The following ITGAV variants were observed in gnomAD, a reference collection of about 807,000 sequenced individuals.
ITGAV encodes integrin subunit alpha V.
In ITGAV, 76 loss-of-function variants were observed where a neutral mutation model predicts 143.8. That is an observed-to-expected ratio of 0.53 (90% CI 0.44 to 0.64). The LOEUF is 0.64. Ranked by LOEUF, ITGAV falls within the 30% of genes least tolerant of loss-of-function variation. The pLI, the probability that ITGAV is intolerant of heterozygous loss-of-function variation, is 0.00. For synonymous variants in ITGAV, 453 were observed against 446.7 expected (o/e 1.01, Z -0.18); for missense variants, 1,193 against 1,274.7 (o/e 0.94, Z 0.98).
chr2:186,616,035 A>T (rs1687348138), intron 2 of ITGAV, among the ~76,000 whole-genome samples: 1 of 152,104 alleles, frequency 6.6e-6, no homozygotes, highest in Admixed American at 6.5e-5. Context: ...TAGTTGTCCC[A>T]GCATCATTTG....
chr2:186,643,839 ATG>A (rs1389602771), intron 12 of ITGAV, among the ~76,000 whole-genome samples: 1 of 152,254 alleles, frequency 6.6e-6, no homozygotes, highest in African/African-American at 2.4e-5. Context: ...GATGATTAAC[ATG>A]TATAAAATAA....
At chr2:186,605,081 G>A (rs1687022068) in intron 2 of ITGAV, among the ~76,000 whole-genome samples, 1 of 152,174 alleles carries the variant, frequency 6.6e-6, no homozygotes, top group Admixed American at 6.5e-5. Flanking sequence ...CAGGTACCTG[G>A]GGATTGATCG....
chr2:186,646,583 T>C, intron 12 of ITGAV, 103 bp from the exon 13 acceptor site: 1 of 713,018 alleles, frequency 1.4e-6, no homozygotes, highest in Non-Finnish European at 2.3e-6. Context: ...TCTTCATCCT[T>C]GCCCTCTTCC....
intron 3 of ITGAV, 66 bp downstream of exon 3, chr2:186,622,496 T>G (rs943519412): frequency 6.6e-6 from 7 of 1,055,998 alleles, no homozygotes; most frequent in Non-Finnish European, 8.9e-6. Flanking sequence ...CAGAAGGTTT[T>G]ATATTTTCAG....
At chr2:186,592,295 C>G (rs1686634783) in intron 1 of ITGAV, among the ~76,000 whole-genome samples, 2 of 152,074 alleles carry the variant, frequency 1.3e-5, no homozygotes, top group Non-Finnish European at 2.9e-5. Flanking sequence ...AAAAATTAAC[C>G]GGGCATGGTG....
At chr2:186,600,071 G>T in intron 1 of ITGAV, 1 of 448,116 alleles carries the variant, frequency 2.2e-6, no homozygotes, top group East Asian at 3.4e-5. Context: ...AAACTCAGTG[G>T]CTTCAAATGA....
At chr2:186,622,823 T>C (rs530378074) in intron 3 of ITGAV, among the ~76,000 whole-genome samples, 1 of 152,074 alleles carries the variant, frequency 6.6e-6, no homozygotes, top group Admixed American at 6.6e-5. Flanking sequence ...AGTGCAGTGG[T>C]GCGATCTCGG....
At chr2:186,675,271 T>G (rs1341977360) in intron 26 of ITGAV, among the ~76,000 whole-genome samples, 1 of 152,230 alleles carries the variant, frequency 6.6e-6, no homozygotes, top group African/African-American at 2.4e-5. Flanking sequence ...CACCATGTTA[T>G]GGGTTTGCCT....
chr2:186,651,865 A>T (rs1384041237), intron 14 of ITGAV, 117 bp from the exon 15 acceptor site: 1 of 594,460 alleles, frequency 1.7e-6, no homozygotes, highest in Non-Finnish European at 3.0e-6. Flanking sequence ...ACTATTACAA[A>T]CAATGCTTTT....
intron 13 of ITGAV, among the ~76,000 whole-genome samples, chr2:186,648,621 C>T (rs1401765320): frequency 2.0e-5 from 3 of 152,002 alleles, no homozygotes; most frequent in East Asian, 3.9e-4. Flanking sequence ...GGCACCACCA[C>T]GCACAGCTAA....
intron 28 of ITGAV, 124 bp from the exon 29 acceptor site, chr2:186,676,689 A>G: frequency 9.4e-7 from 1 of 1,063,034 alleles, no homozygotes; most frequent in Non-Finnish European, 1.3e-6. Context: ...AAACCACTAA[A>G]TTATCATATG....
At chr2:186,671,632 A>G in intron 26 of ITGAV, among the ~76,000 whole-genome samples, 1 of 152,136 alleles carries the variant, frequency 6.6e-6, no homozygotes, top group Non-Finnish European at 1.5e-5. Context: ...CAAAACTTAC[A>G]CAAAATTAAC....
intron 18 of ITGAV, 48 bp downstream of exon 18, chr2:186,659,223 T>TA (rs746133584): frequency 2.9e-5 from 37 of 1,284,668 alleles, no homozygotes; most frequent in Non-Finnish European, 3.7e-5. Flanking sequence ...TATTTTTTTT[T>TA]ACAATTCATA....
chr2:186,642,535 CTTTTT>C (rs35034170), intron 12 of ITGAV, among the ~76,000 whole-genome samples: 5 of 113,180 alleles, frequency 4.4e-5, no homozygotes, highest in Admixed American at 9.6e-5. Context: ...TCTTTTTTTT[CTTTTT>C]TTTTTTTTTT....
At chr2:186,657,797 A>G (rs551891200) in intron 17 of ITGAV, among the ~76,000 whole-genome samples, 6 of 152,286 alleles carry the variant, frequency 3.9e-5, no homozygotes, top group African/African-American at 1.4e-4. Context: ...ACAACTGTCA[A>G]AAGAAGAAAC....
intron 14 of ITGAV, among the ~76,000 whole-genome samples, chr2:186,650,447 G>T (rs1052963836): frequency 1.3e-5 from 2 of 151,882 alleles, no homozygotes; most frequent in Non-Finnish European, 2.9e-5. Context: ...TGATACACCC[G>T]TCTCAGCCTC....
chr2:186,612,013 C>T (rs557798809), intron 2 of ITGAV, among the ~76,000 whole-genome samples: 16 of 152,156 alleles, frequency 1.1e-4, no homozygotes, highest in African/African-American at 2.9e-4. Flanking sequence ...AGCATTATAC[C>T]GGTGAAGAAA....
chr2:186,640,414 CAGT>C (rs1226118065), intron 10 of ITGAV, among the ~76,000 whole-genome samples: 26 of 152,116 alleles, frequency 1.7e-4, no homozygotes, highest in Admixed American at 1.7e-3. Flanking sequence ...AATTTTTAAA[CAGT>C]AGTAGTAGTT....
chr2:186,605,788 T>C (rs939027037), intron 2 of ITGAV, among the ~76,000 whole-genome samples: 1 of 71,854 alleles, frequency 1.4e-5, no homozygotes, highest in Non-Finnish European at 3.4e-5. Flanking sequence ...TATTCTTATG[T>C]ATATGTATAA....
Sources: allele counts gnomAD v4.1 joint callset (sites outside exome capture counted in the v4.1 genomes callset), GRCh38; gene constraint gnomAD v4.1.1; transcripts MANE v1.5; gene names NCBI Gene and HGNC (gene_info 2026-07-23, HGNC 2026-07-21).